The following KCTD1 variants were observed in gnomAD, a reference collection of about 807,000 sequenced individuals.
The protein encoded by KCTD1 is potassium channel tetramerization domain containing 1.
KCTD1 carries 24 observed loss-of-function variants against 66.0 expected under a neutral mutation model. The observed-to-expected ratio is 0.36, with a 90% CI of 0.26 to 0.51. The LOEUF (loss-of-function observed/expected upper bound fraction) is 0.51. Among genes scored for constraint, KCTD1 ranks in the 20% least tolerant of loss-of-function variants. The pLI, the probability that KCTD1 is intolerant of heterozygous loss-of-function variation, is 0.95. For missense variants in KCTD1, 943 were observed against 1,205.2 expected (o/e 0.78, Z 3.22); for synonymous variants, 511 against 517.2 (o/e 0.99, Z 0.16).
intron 1 of KCTD1, among the ~76,000 whole-genome samples, chr18:26,508,214 C>T (rs1418189782): frequency 2.6e-5 from 4 of 152,170 alleles, no homozygotes; most frequent in South Asian, 2.1e-4. Context: ...ATTTTCCAGG[C>T]GTGCTGATCG....
chr18:26,506,149 T>C (rs992883090), intron 1 of KCTD1, among the ~76,000 whole-genome samples: 1 of 152,164 alleles, frequency 6.6e-6, no homozygotes, highest in African/African-American at 2.4e-5. Context: ...CCCAAAGTGC[T>C]GAGATTATAG....
intron 2 of KCTD1, among the ~76,000 whole-genome samples, chr18:26,486,814 T>C (rs1459834778): frequency 6.6e-6 from 1 of 152,218 alleles, no homozygotes; most frequent in Non-Finnish European, 1.5e-5. Context: ...GAGAGGAGTA[T>C]GGCCAAACCA....
chr18:26,475,508 G>A (rs886541702), intron 3 of KCTD1, among the ~76,000 whole-genome samples: 19 of 152,082 alleles, frequency 1.2e-4, no homozygotes, highest in African/African-American at 4.6e-4. Flanking sequence ...AATTTTTGTT[G>A]TATATTTTTC....
chr18:26,575,957 G>A, intron 1 of KCTD1, among the ~76,000 whole-genome samples: 1 of 152,174 alleles, frequency 6.6e-6, no homozygotes, highest in Admixed American at 6.5e-5. Context: ...TCATATAAAT[G>A]CTTACACATT....
At chr18:26,592,247 TTTTC>T (rs1373433056) in intron 1 of KCTD1, among the ~76,000 whole-genome samples, 2 of 152,252 alleles carry the variant, frequency 1.3e-5, no homozygotes, top group Admixed American at 6.5e-5. Flanking sequence ...GAAACAGTTT[TTTTC>T]TTTACCAGAA....
chr18:26,564,575 G>GT (rs1567995436), intron 1 of KCTD1, among the ~76,000 whole-genome samples: 1 of 152,038 alleles, frequency 6.6e-6, no homozygotes, highest in Non-Finnish European at 1.5e-5. Context: ...CAAGGCTGCC[G>GT]TGTGTGTATG....
At chr18:26,511,285 G>A (rs2144714064) in intron 1 of KCTD1, among the ~76,000 whole-genome samples, 1 of 152,238 alleles carries the variant, frequency 6.6e-6, no homozygotes, top group African/African-American at 2.4e-5. Context: ...TCAGGTCAAG[G>A]GAGCTCGTAT....
At chr18:26,654,185 C>A (rs758227637) in intron 1 of KCTD1, among the ~76,000 whole-genome samples, 2 of 152,182 alleles carry the variant, frequency 1.3e-5, no homozygotes, top group Non-Finnish European at 2.9e-5. Context: ...TAAGAAAGTT[C>A]TCTGATAAAA....
chr18:26,491,268 G>A (rs1268936469), intron 2 of KCTD1, among the ~76,000 whole-genome samples: 2 of 152,094 alleles, frequency 1.3e-5, no homozygotes, highest in African/African-American at 4.8e-5. Context: ...CACAGCCATG[G>A]GCCTCAATCC....
intron 1 of KCTD1, among the ~76,000 whole-genome samples, chr18:26,562,225 GC>G (rs777479130): frequency 3.3e-5 from 5 of 152,006 alleles, no homozygotes; most frequent in Non-Finnish European, 7.4e-5. Flanking sequence ...ACCAAGCCCT[GC>G]CAATTGTGTC....
chr18:26,583,612 G>T (rs1386457564), intron 1 of KCTD1, among the ~76,000 whole-genome samples: 1 of 152,012 alleles, frequency 6.6e-6, no homozygotes, highest in African/African-American at 2.4e-5. Flanking sequence ...AAAAGCACTT[G>T]GCCATATATA....
At chr18:26,594,890 C>T (rs1465105687) in intron 1 of KCTD1, among the ~76,000 whole-genome samples, 1 of 152,094 alleles carries the variant, frequency 6.6e-6, no homozygotes, top group Non-Finnish European at 1.5e-5. Context: ...AACTTCCAGC[C>T]CACCTGCCAG....
chr18:26,460,435 G>C (rs1980358670), intron 3 of KCTD1, among the ~76,000 whole-genome samples: 1 of 152,324 alleles, frequency 6.6e-6, no homozygotes, highest in Admixed American at 6.5e-5. Context: ...GTCACCTTTG[G>C]TGGCCACAGG....
rs1276767354 is a variant in KCTD1 at position 26,456,969 on chromosome 18, T to C, written c.2440-1068A>G. ...AAAAAAACCCACCTCAAAAAAACTT[T>C]TATTGGAATGAACTGAAATGTAGTC... On this transcript the variant is annotated intron_variant, in intron 4 of 4. Coordinates refer to ENST00000580059, the MANE Select transcript of KCTD1 (RefSeq NM_001142730.3). 15 of 151,880 alleles carry C rather than the reference T, an allele frequency of 9.9e-5. No homozygotes were observed. In the East Asian group the frequency reaches 2.7e-3, roughly 27 times the overall value. The allele number at this position is 151,880 out of a possible 1,614,324, so 9.4% of individuals were successfully genotyped here.
At chr18:26,632,924 A>T (rs1301675368), upstream of KCTD1, among the ~76,000 whole-genome samples, 1 of 152,174 alleles carries the variant, frequency 6.6e-6, no homozygotes, top group Non-Finnish European at 1.5e-5. Context: ...GAATTGCAAC[A>T]GTCTTGGGAG....
chr18:26,625,244 C>A (rs772344581), intron 1 of KCTD1, among the ~76,000 whole-genome samples: 1 of 151,944 alleles, frequency 6.6e-6, no homozygotes, highest in Non-Finnish European at 1.5e-5. Flanking sequence ...TGGAAAGGCA[C>A]GATTGTGTTT....
At chr18:26,478,038 T>C (rs894666331) in intron 2 of KCTD1, among the ~76,000 whole-genome samples, 19 of 152,200 alleles carry the variant, frequency 1.2e-4, no homozygotes, top group African/African-American at 4.6e-4. Context: ...ACAGTAGGCC[T>C]GAAACTAAAA....
intron 1 of KCTD1, 25 bp downstream of exon 1, chr18:26,546,703 C>A: frequency 6.5e-7 from 1 of 1,529,794 alleles, no homozygotes; most frequent in Non-Finnish European, 8.8e-7. Flanking sequence ...AGAAACATTT[C>A]ATGCATAGAG....
chr18:26,477,642 C>G (rs1157439947), intron 2 of KCTD1, among the ~76,000 whole-genome samples: 1 of 152,088 alleles, frequency 6.6e-6, no homozygotes, highest in Non-Finnish European at 1.5e-5. Context: ...TGAAGTGGGG[C>G]AGGTGTAATG....
Sources: allele counts gnomAD v4.1 joint callset (sites outside exome capture counted in the v4.1 genomes callset), GRCh38; gene constraint gnomAD v4.1.1; transcripts MANE v1.5; gene names NCBI Gene and HGNC (gene_info 2026-07-23, HGNC 2026-07-21).